Variants in RBMS2 observed in about 807,000 individuals in gnomAD.
The protein encoded by RBMS2 is RNA-binding motif, single-stranded-interacting protein 2.
A neutral mutation model predicts 58.4 loss-of-function variants in RBMS2; 38 were observed. The observed-to-expected ratio is 0.65, with a 90% CI of 0.50 to 0.85. The LOEUF (loss-of-function observed/expected upper bound fraction) is 0.85. Among genes scored for constraint, RBMS2 ranks in the 40% least tolerant of loss-of-function variants. The probability of loss-of-function intolerance (pLI) is 0.00; values close to 1 mark genes in which losing one functional copy is unlikely to be tolerated. For missense variants in RBMS2, 367 were observed against 503.7 expected (o/e 0.73, Z 2.60); for synonymous variants, 151 against 180.7 (o/e 0.84, Z 1.32).
intron 1 of RBMS2, among the ~76,000 whole-genome samples, chr12:56,558,848 C>T (rs1407850635): frequency 1.3e-5 from 2 of 152,056 alleles, no homozygotes; most frequent in East Asian, 3.9e-4. Context: ...GATCCGCCTG[C>T]TTCAGCCTCC....
At chr12:56,573,850 G>T (rs1199762381) in intron 5 of RBMS2, among the ~76,000 whole-genome samples, 1 of 149,848 alleles carries the variant, frequency 6.7e-6, no homozygotes, top group East Asian at 2.0e-4. Flanking sequence ...TGTTGTTGTT[G>T]TTGTTGTTGA....
In RBMS2 at chr12:56,594,276, T is replaced by C. The variant is rs1476331858; in HGVS notation, c.*5143T>C. Reference sequence around the variant, plus strand: ...TAGAAAAGAACTATTGCTGCTGCCTTGTGCACATGCCCCACCTTCTGGGCA... The same window carrying C: ...TAGAAAAGAACTATTGCTGCTGCCTCGTGCACATGCCCCACCTTCTGGGCA... On this transcript the variant is annotated 3_prime_UTR_variant, in exon 14 of 14. Transcript: ENST00000262031. 6.6e-6 allele frequency: 1 copy of C among 152,244 alleles called. No homozygotes were observed. The highest frequency in any genetic ancestry group is 1.5e-5 in the Non-Finnish European group (1 of 68,042). The allele number at this position is 152,244 out of a possible 1,614,324, so 9.4% of individuals were successfully genotyped here.
rs1420878040 is a variant in RBMS2 at position 56,571,772 on chromosome 12, G to A, written c.459G>A (p.Gly153=). ...PLSMDEQELE[G]MLKPFGQVIS... The stretch of plus-strand genomic sequence containing the variant: ...CAATGGATGAGCAGGAACTGGAGGG[G>A]ATGCTGAAGCCCTTTGGCCAGGTTA... Residue 153 remains glycine (G), a synonymous_variant, in exon 5 of 14, where the codon GGG becomes GGA. Transcript: ENST00000262031. 1 of 1,603,856 alleles carries A rather than the reference G, an allele frequency of 6.2e-7. No homozygotes were observed. The highest frequency in any genetic ancestry group is 1.1e-5 in the South Asian group (1 of 89,774).
At chr12:56,526,141 T>C (rs970812836) in intron 1 of RBMS2, among the ~76,000 whole-genome samples, 1 of 151,256 alleles carries the variant, frequency 6.6e-6, no homozygotes, top group African/African-American at 2.4e-5. Context: ...ACCCCGTCAA[T>C]ACTGAAAATA....
At chr12:56,554,699 T>G (rs1037593732) in intron 1 of RBMS2, among the ~76,000 whole-genome samples, 1 of 152,162 alleles carries the variant, frequency 6.6e-6, no homozygotes. Context: ...TTTCCCTATA[T>G]AGCAAACTCG....
intron 1 of RBMS2, chr12:56,539,789 C>G: frequency 2.4e-6 from 1 of 413,682 alleles, no homozygotes; most frequent in South Asian, 1.8e-5. Flanking sequence ...CCTCCCTCAG[C>G]CTCCTGAGCA....
At chr12:56,583,529 C>A (rs1180319313) in intron 9 of RBMS2, among the ~76,000 whole-genome samples, 1 of 152,120 alleles carries the variant, frequency 6.6e-6, no homozygotes, top group Non-Finnish European at 1.5e-5. Flanking sequence ...TGGCGGGCGC[C>A]TGTAATCCCA....
intron 1 of RBMS2, among the ~76,000 whole-genome samples, chr12:56,552,141 T>C (rs1878382650): frequency 6.6e-6 from 1 of 152,232 alleles, no homozygotes; most frequent in Admixed American, 6.5e-5. Flanking sequence ...AAAGCTAATG[T>C]ATTGCCTTAG....
chr12:56,550,565 GC>G (rs1430372761), intron 1 of RBMS2, among the ~76,000 whole-genome samples: 2 of 151,766 alleles, frequency 1.3e-5, no homozygotes, highest in Admixed American at 6.6e-5. Flanking sequence ...AAAAGGCCAG[GC>G]ATGGTGGCTT....
At chr12:56,529,560 C>T (rs1342725833) in intron 1 of RBMS2, among the ~76,000 whole-genome samples, 1 of 150,408 alleles carries the variant, frequency 6.6e-6, no homozygotes, top group African/African-American at 2.5e-5. Flanking sequence ...TCTGTCCCAA[C>T]AACAACAACA....
intron 1 of RBMS2, among the ~76,000 whole-genome samples, chr12:56,529,123 T>C (rs1479989771): frequency 5.3e-5 from 8 of 152,154 alleles, no homozygotes; most frequent in African/African-American, 1.7e-4. Context: ...CACAAAGACC[T>C]GTACATAAAT....
At position 56,581,853 on chromosome 12, in the gene RBMS2, T is replaced by C. The variant is rs771098736; in HGVS notation, c.753T>C (p.Tyr251=). 1.2e-5 allele frequency: 19 copies of C among 1,614,088 alleles called. No individual in the cohort carries two copies. Among genetic ancestry groups the C allele is most frequent in the Admixed American group, 1.7e-5 (1 of 60,004 alleles). The change falls in exon 8 of 14, where the codon TAT becomes TAC. Residue 251 remains tyrosine (Y), a synonymous_variant. Coordinates refer to ENST00000262031, the MANE Select transcript of RBMS2 (RefSeq NM_002898.4). ...TATAGGGCGTCATGGCCTTGACCTA[T>C]GACCCCACCACAGCTCTTCAGAATG... is the stretch of plus-strand genomic sequence containing the variant. ...NADMGVMALT[Y]DPTTALQNGF...
intron 11 of RBMS2, 84 bp from the exon 12 acceptor site, chr12:56,588,210 T>C (rs1884944984): frequency 9.6e-7 from 1 of 1,043,978 alleles, no homozygotes; most frequent in Admixed American, 1.8e-5. Context: ...AATACAGGTG[T>C]CAGTATTTTT....
At chr12:56,550,578 A>T (rs1878067343) in intron 1 of RBMS2, among the ~76,000 whole-genome samples, 1 of 151,736 alleles carries the variant, frequency 6.6e-6, no homozygotes, top group Non-Finnish European at 1.5e-5. Context: ...TGGTGGCTTT[A>T]CGCCTGTAAT....
chr12:56,564,859 A>G (rs999259247), intron 2 of RBMS2, among the ~76,000 whole-genome samples: 6 of 152,170 alleles, frequency 3.9e-5, no homozygotes, highest in African/African-American at 1.4e-4. Flanking sequence ...CTGTAGTCCC[A>G]GCTACTCAGG....
At chr12:56,580,582 A>C (rs1449508450) in intron 5 of RBMS2, among the ~76,000 whole-genome samples, 1 of 152,138 alleles carries the variant, frequency 6.6e-6, no homozygotes, top group African/African-American at 2.4e-5. Flanking sequence ...CTGGGTGGCG[A>C]AGTGGTGCTG....
intron 1 of RBMS2, among the ~76,000 whole-genome samples, chr12:56,538,497 AGACGGAGTC>A (rs1296875996): frequency 3.3e-5 from 3 of 91,058 alleles, no homozygotes; most frequent in Non-Finnish European, 6.0e-5. Context: ...TTTTTTTCTG[AGACGGAGTC>A]TCAGGCTGTC....
At chr12:56,579,298 T>G (rs1348115357) in intron 5 of RBMS2, among the ~76,000 whole-genome samples, 2 of 152,150 alleles carry the variant, frequency 1.3e-5, no homozygotes, top group East Asian at 3.9e-4. Context: ...ACCTAATGTG[T>G]GGTTTTCTCT....
At chr12:56,547,270 G>T (rs1047428552) in intron 1 of RBMS2, among the ~76,000 whole-genome samples, 9 of 152,032 alleles carry the variant, frequency 5.9e-5, no homozygotes, top group Non-Finnish European at 1.3e-4. Context: ...CAGTAGAATC[G>T]CTTGAACCTG....
Sources: gnomAD v4.1 joint callset for allele counts (sites outside exome capture counted in the v4.1 genomes callset) on GRCh38, gnomAD v4.1.1 for gene constraint, MANE v1.5 for transcripts, NCBI Gene and HGNC (gene_info 2026-07-23, HGNC 2026-07-21) for gene names.